ABR: variants seen among roughly 807,000 people sequenced by gnomAD.
ABR encodes the protein active breakpoint cluster region-related protein.
In ABR, 35 loss-of-function variants were observed where a neutral mutation model predicts 107.2. That is an observed-to-expected ratio of 0.33 (90% CI 0.25 to 0.43). ABR has a LOEUF of 0.43. ABR is among the 20% of genes least tolerant of loss of function. The pLI is 1.00. For synonymous variants in ABR, 498 were observed against 462.0 expected, an observed-to-expected ratio of 1.08 and a Z score of -1.00; for missense variants, 815 against 1,115.2, an observed-to-expected ratio of 0.73 and a Z score of 3.83.
At chr17:1,209,330 G>A (rs1445527335) in intron 1 of ABR, among the ~76,000 whole-genome samples, 1 of 151,646 alleles carries the variant, frequency 6.6e-6, no homozygotes, top group Non-Finnish European at 1.5e-5. Flanking sequence ...AGGCTGGAGT[G>A]CAGTGGTGTG....
chr17:1,078,104 G>GGTGTGTGTGTGTGTGTGTGTGTGTGTGT lies in ABR; in HGVS notation c.700+1225_700+1226insACACACACACACACACACACACACACAC, dbSNP rs34146750. Among the ~76,000 whole-genome samples, 8 of 148,478 alleles carry GGTGTGTGTGTGTGTGTGTGTGTGTGTGT rather than the reference G, an allele frequency of 5.4e-5. No homozygotes were observed. The East Asian group carries it at 1.6e-3, about 30-fold the overall frequency. ...GTCCGGGTCCCTTCCACCGAAAGGT[G>GGTGTGTGTGTGTGTGTGTGTGTGTGTGT]GTGTGTGTGTGTGTGTGTGTGTGTG... On this transcript the variant is annotated intron_variant, in intron 6 of 22. Coordinates refer to ENST00000302538, the MANE Select transcript of ABR (RefSeq NM_021962.5). This position sits in a 1 kb window ranked among gnomAD's most constrained non-coding sequence, Gnocchi z 7.5.
Position 1,084,941 on chromosome 17 carries a change from T to C in ABR, c.532-1314A>G, listed in dbSNP as rs2151265920. ...CCTCAGCCTCCCGAGTAGCTGGCGTTACAGGCGCCCGCCACCACGCCTGGC... is the reference window on the plus strand; with the variant it reads ...CCTCAGCCTCCCGAGTAGCTGGCGTCACAGGCGCCCGCCACCACGCCTGGC... On this transcript the variant is annotated intron_variant, in intron 4 of 22. Coordinates refer to ENST00000302538, the MANE Select transcript of ABR (RefSeq NM_021962.5). The surrounding 1 kb of genome is among the most constrained non-coding windows in gnomAD (Gnocchi z 4.2). 6.6e-6 allele frequency among the ~76,000 whole-genome samples: 1 copy of C among 152,228 alleles called. No homozygotes were observed. The highest frequency in any genetic ancestry group is 6.5e-5 in the Admixed American group (1 of 15,278).
chr17:1,012,913 G>GGGAATCTT, intron 17 of ABR, 116 bp from the exon 18 acceptor site: 1 of 1,083,544 alleles, frequency 9.2e-7, no homozygotes, highest in Non-Finnish European at 1.4e-6. Context: ...TCACACCCAG[G>GGGAATCTT]TCTCCCTCAA....
In ABR at chr17:1,148,746, A is replaced by G. The variant is rs149049466; in HGVS notation, c.62-23379T>C. On this transcript the variant is annotated intron_variant, in intron 1 of 22. Transcript: ENST00000302538. The surrounding 1 kb of genome is among the most constrained non-coding windows in gnomAD (Gnocchi z 4.9). Reference sequence around the variant, plus strand: ...CCGGTCCCTGGTGCGCTGGTTTCACAGATGCGGAGTCTCAGTTTAGCCAGG... The same window carrying G: ...CCGGTCCCTGGTGCGCTGGTTTCACGGATGCGGAGTCTCAGTTTAGCCAGG... Among the ~76,000 whole-genome samples the G allele has an allele frequency of 1.9e-3, 282 of 152,332 alleles. 1 individual carries two copies. Among genetic ancestry groups the G allele is most frequent in the African/African-American group, 6.4e-3 (268 of 41,570 alleles).
At chr17:1,223,348 C>G (rs10221270) in intron 1 of ABR, among the ~76,000 whole-genome samples, 93,011 of 151,366 alleles carry the variant, frequency 0.61, 30,125 homozygotes, top group African/African-American at 0.82. Flanking sequence ...TACCCTCCAT[C>G]GTCACTCTAC....
At chr17:1,221,915 A>G (rs537414955) in intron 1 of ABR, among the ~76,000 whole-genome samples, 4 of 152,292 alleles carry the variant, frequency 2.6e-5, no homozygotes, top group African/African-American at 4.8e-5. Context: ...AAAAGGAGAG[A>G]AAGGCAAACA....
At chr17:1,189,324 T>C (rs1248926050), upstream of ABR, among the ~76,000 whole-genome samples, 1 of 151,110 alleles carries the variant, frequency 6.6e-6, no homozygotes, top group Non-Finnish European at 1.5e-5. Flanking sequence ...GTCATTCCTC[T>C]CTTACTAAGA....
upstream of ABR, among the ~76,000 whole-genome samples, chr17:1,183,890 C>T (rs985408055): frequency 3.9e-5 from 6 of 152,140 alleles, no homozygotes; most frequent in African/African-American, 1.4e-4. Flanking sequence ...CGAGAGTTTG[C>T]ACCCTCACTG....
Position 1,072,000 on chromosome 17 carries a change from T to C in ABR, c.894+614A>G, listed in dbSNP as rs1265307947. ...CTCACTGTAACCTCCGCCTCCTGGG[T>C]TCAAGCAATTCTCCTGCCTCAGCCT... is the stretch of plus-strand genomic sequence containing the variant. On this transcript the variant is annotated intron_variant, in intron 8 of 22. Coordinates refer to ENST00000302538, the MANE Select transcript of ABR (RefSeq NM_021962.5). This position sits in a 1 kb window ranked among gnomAD's most constrained non-coding sequence, Gnocchi z 5.1. Among the ~76,000 whole-genome samples the C allele has an allele frequency of 6.6e-6, 1 of 152,130 alleles. No individual in the cohort carries two copies. The highest frequency in any genetic ancestry group is 1.5e-5 in the Non-Finnish European group (1 of 68,034).
intron 1 of ABR, among the ~76,000 whole-genome samples, chr17:1,202,011 G>A (rs191222821): frequency 1.3e-5 from 2 of 152,234 alleles, no homozygotes; most frequent in East Asian, 1.9e-4. Flanking sequence ...TCAAAGCAAC[G>A]CTATTCTTCA....
intron 16 of ABR, among the ~76,000 whole-genome samples, chr17:1,041,959 TG>T (rs1555544855): frequency 6.6e-5 from 10 of 151,966 alleles, no homozygotes; most frequent in Non-Finnish European, 1.3e-4. Flanking sequence ...GGCCCAACTG[TG>T]TGCTTCAACT....
intron 1 of ABR, among the ~76,000 whole-genome samples, chr17:1,221,615 C>A (rs2043121187): frequency 6.6e-6 from 1 of 152,080 alleles, no homozygotes; most frequent in Non-Finnish European, 1.5e-5. Context: ...CCAGGTTCCA[C>A]GGAAAATCAG....
rs73287548 is a variant in ABR, at chr17:1,049,635, G to A, written c.1791+415C>T. 9.8e-3 allele frequency among the ~76,000 whole-genome samples: 1,486 copies of A among 152,186 alleles called. 26 individuals are homozygous for A. Among genetic ancestry groups the A allele is most frequent in the African/African-American group, 0.033 (1,385 of 41,494 alleles). ...GACCCTAAGTCTTTCGGGCAGAAGA[G>A]CAAACGCCTGGTCCGTGTGCCTAAC... On this transcript the variant is annotated intron_variant, in intron 16 of 22. Transcript: ENST00000302538.
intron 4 of ABR, among the ~76,000 whole-genome samples, chr17:1,087,939 GT>G (rs1298972342): frequency 6.6e-6 from 1 of 152,326 alleles, no homozygotes; most frequent in East Asian, 1.9e-4. Flanking sequence ...GGAAGTGCAG[GT>G]TGCCTGGAAA....
chr17:1,089,010 C>T lies in ABR; in HGVS notation c.531+2655G>A, dbSNP rs140291260. Among the ~76,000 whole-genome samples, 925 of 151,916 alleles carry T rather than the reference C, an allele frequency of 6.1e-3. 12 individuals are homozygous for T. The highest frequency in any genetic ancestry group is 0.022 in the African/African-American group (896 of 41,368). ...TCCCAGGTTCAAGCGATTCTCCCGC[C>T]TCAGCCCCCTGAGTAGCTGGGACTA... On this transcript the variant is annotated intron_variant, in intron 4 of 22. Transcript: ENST00000302538.
At chr17:1,193,105 C>T (rs1337625348) in intron 1 of ABR, among the ~76,000 whole-genome samples, 2 of 152,066 alleles carry the variant, frequency 1.3e-5, no homozygotes, top group South Asian at 2.1e-4. Context: ...GGAAATGGAG[C>T]GAAGAGCTAG....
At position 1,010,792 on chromosome 17, in the gene ABR, A is replaced by G; in HGVS notation, c.2173T>C (p.Phe725Leu). The stretch of plus-strand genomic sequence containing the variant: ...AGGAGCGGCTCGGGCAGTTCCCGGA[A>G]GTACAGCTTGAGCGTCCCGGCGATG... ...NAIAGTLKLY[F>L]RELPEPLLTD... Residue 725 changes from phenylalanine to leucine, a missense_variant, in exon 20 of 23, where the codon TTC becomes CTC. By Grantham distance (22) the Phe-to-Leu change is conservative. Coordinates refer to ENST00000302538, the MANE Select transcript of ABR (RefSeq NM_021962.5). This position sits in a 1 kb window ranked among gnomAD's most constrained non-coding sequence, Gnocchi z 4.1. The G allele has an allele frequency of 1.2e-6, 2 of 1,613,854 alleles. No homozygotes were observed. The highest frequency in any genetic ancestry group is 1.7e-6 in the Non-Finnish European group (2 of 1,180,010).
chr17:1,013,389 TGGG>T (rs2070818444), intron 16 of ABR, among the ~76,000 whole-genome samples: 2 of 150,990 alleles, frequency 1.3e-5, no homozygotes, highest in Non-Finnish European at 3.0e-5. Context: ...TTACCCGCCG[TGGG>T]GGAGGCAGGG....
rs1182628162 is a variant in ABR at position 1,011,881 on chromosome 17, G to A, written c.2066C>T (p.Thr689Met). 1.6e-5 allele frequency: 26 copies of A among 1,599,126 alleles called. No individual in the cohort carries two copies. Among genetic ancestry groups the A allele is most frequent in the Non-Finnish European group, 2.2e-5 (26 of 1,169,060 alleles). The part of the protein sequence containing the change: ...VGIYRISGVA[T>M]DIQALKAVFD... The stretch of plus-strand genomic sequence containing the variant: ...GACGGCCTTGAGCGCCTGGATGTCC[G>A]TGGCCACGCCCGATATCCTGTAGAT... The change falls in exon 19 of 23, where the codon ACG (threonine) becomes ATG (methionine). Residue 689 changes from threonine to methionine, a missense_variant. Thr to Met is a moderately conservative substitution (Grantham distance 81). Around this residue, in one of 5 missense-constraint regions of ABR, gnomAD observed 175 missense variants for 284.3 expected, o/e 0.62. Coordinates refer to ENST00000302538, the MANE Select transcript of ABR (RefSeq NM_021962.5). This position sits in a 1 kb window ranked among gnomAD's most constrained non-coding sequence, Gnocchi z 4.8.
Sources: gnomAD v4.1 joint callset for allele counts (sites outside exome capture counted in the v4.1 genomes callset) on GRCh38, gnomAD v4.1.1 for gene constraint, gnomAD v4.1.1 regional missense constraint, Gnocchi (gnomAD v3.1) non-coding constraint, MANE v1.5 for transcripts, NCBI Gene and HGNC (gene_info 2026-07-23, HGNC 2026-07-21) for gene names.